The following ATP2A3 variants were observed in gnomAD, a reference collection of about 807,000 sequenced individuals.
The protein encoded by ATP2A3 is ATPase sarcoplasmic/endoplasmic reticulum Ca2+ transporting 3.
In ATP2A3, 61 loss-of-function variants were observed where a neutral mutation model predicts 106.8. The observed-to-expected ratio is 0.57, with a 90% CI of 0.46 to 0.71. The LOEUF is 0.71. ATP2A3 is among the 30% of genes least tolerant of loss of function. The pLI, the probability that ATP2A3 is intolerant of heterozygous loss-of-function variation, is 0.00. For synonymous variants in ATP2A3, 611 were observed against 609.3 expected (o/e 1.00, Z -0.04); for missense variants, 1,201 against 1,423.5 (o/e 0.84, Z 2.52).
intron 14 of ATP2A3, among the ~76,000 whole-genome samples, chr17:3,939,527 A>G (rs2053620127): frequency 6.6e-5 from 10 of 152,024 alleles, no homozygotes; most frequent in Admixed American, 6.6e-4. Flanking sequence ...GGTGGCTCAT[A>G]CTTGTAATCC....
At chr17:3,931,484 T>C (rs1567680228) in intron 17 of ATP2A3, among the ~76,000 whole-genome samples, 1 of 152,026 alleles carries the variant, frequency 6.6e-6, no homozygotes, top group Non-Finnish European at 1.5e-5. Flanking sequence ...ATATAGATCC[T>C]GCTCTTGGGA....
intron 1 of ATP2A3, among the ~76,000 whole-genome samples, chr17:3,954,001 C>A (rs978233925): frequency 1.3e-5 from 2 of 152,060 alleles, no homozygotes; most frequent in Admixed American, 6.5e-5. Context: ...CAGTCCAGCC[C>A]CTCCCTGCCC....
rs61731020 is a variant in ATP2A3, at chr17:3,941,196, C to T, written c.1875G>A (p.Thr625=). 2.9e-4 allele frequency: 461 copies of T among 1,614,152 alleles called. 1 individual carries two copies. Among genetic ancestry groups the T allele is most frequent in the Non-Finnish European group, 3.7e-4 (442 of 1,180,032 alleles). ...CCACGGCAGTGCCTTTGTTATCCCC[C>T]GTGATCATGACCACGCGGATGCCCG... ...YQAGIRVVMI[T]GDNKGTAVAI... The change falls in exon 14 of 21, where the codon ACG becomes ACA. Residue 625 remains threonine (T), a synonymous_variant. Transcript: ENST00000397041.
At position 3,930,225 on chromosome 17, in the gene ATP2A3, C is replaced by T. The variant is rs1037096903; in HGVS notation, c.2744+76G>A. ...CCAGCCCACCTGGACCCCTGACCCT[C>T]AGACACTGATACTGGAACCCCCAGC... is the stretch of plus-strand genomic sequence containing the variant. On this transcript the variant is annotated intron_variant, in intron 18 of 20. Transcript: ENST00000397041. This position sits in a 1 kb window ranked among gnomAD's most constrained non-coding sequence, Gnocchi z 5.4. The T allele has an allele frequency of 9.0e-6, 11 of 1,219,336 alleles. No individual in the cohort carries two copies. In the African/African-American group the frequency reaches 1.7e-4, roughly 19 times the overall value. The allele number at this position is 1,219,336 out of a possible 1,614,324, so 75.5% of individuals were successfully genotyped here.
In ATP2A3 at chr17:3,925,446, A is replaced by G. The variant is rs1417298626; in HGVS notation, c.2981-5T>C. 1 of 1,613,204 alleles carries G rather than the reference A, an allele frequency of 6.2e-7. No individual in the cohort carries two copies. The highest frequency in any genetic ancestry group is 1.3e-5 in the African/African-American group (1 of 74,840). ...CTCACTTCTGGCTCATTTCTTCTGGAAGAAAAACCCAAGAGCGCGTTAAGA... is the reference window on the plus strand; with the variant it reads ...CTCACTTCTGGCTCATTTCTTCTGGGAGAAAAACCCAAGAGCGCGTTAAGA... On this transcript the variant is annotated splice_polypyrimidine_tract_variant and splice_region_variant and intron_variant, in intron 20 of 20. Transcript: ENST00000397041. The surrounding 1 kb of genome is among the most constrained non-coding windows in gnomAD (Gnocchi z 4.2).
rs1282114378 is a variant in ATP2A3 at position 3,955,241 on chromosome 17, T to C, written c.119-1531A>G. Among the ~76,000 whole-genome samples, 6 of 152,190 alleles carry C rather than the reference T, an allele frequency of 3.9e-5. No homozygotes were observed. The highest frequency in any genetic ancestry group is 1.4e-4 in the African/African-American group (6 of 41,456). On this transcript the variant is annotated intron_variant, in intron 1 of 20. Coordinates refer to ENST00000397041, the MANE Select transcript of ATP2A3 (RefSeq NM_005173.4). The surrounding 1 kb of genome is among the most constrained non-coding windows in gnomAD (Gnocchi z 4.2). Reference sequence around the variant, plus strand: ...TGACACTGGAAACAGGTCCTTGCATTGGTCCACCTGTTTTTGGCCTACAGG... The same window carrying C: ...TGACACTGGAAACAGGTCCTTGCATCGGTCCACCTGTTTTTGGCCTACAGG...
rs761536391 is a variant in ATP2A3, at chr17:3,951,306, G to A, written c.408C>T (p.Gly136=). The A allele has an allele frequency of 1.9e-6, 3 of 1,613,794 alleles. No homozygotes were observed. The highest frequency in any genetic ancestry group is 1.3e-5 in the African/African-American group (1 of 74,946). ...TGTCCCGGGCACGGATCCTCTGCAC[G>A]CCCTTGCGGTCCGAGCGGATCACCT... ...MGKVIRSDRK[G]VQRIRARDIV... The change falls in exon 5 of 21, where the codon GGC becomes GGT. Residue 136 remains glycine (G), a synonymous_variant. Coordinates refer to ENST00000397041, the MANE Select transcript of ATP2A3 (RefSeq NM_005173.4).
Position 3,930,224 on chromosome 17 carries a change from T to A in ATP2A3, c.2744+77A>T. 1.2e-4 allele frequency: 135 copies of A among 1,098,596 alleles called. No homozygotes were observed. The highest frequency in any genetic ancestry group is 2.4e-4 in the Middle Eastern group (1 of 4,196). The allele number at this position is 1,098,596 out of a possible 1,614,324, so 68.1% of individuals were successfully genotyped here. A position where few individuals can be genotyped will look rare whatever the true frequency, so the allele number is the denominator to read the frequency against. On this transcript the variant is annotated intron_variant, in intron 18 of 20. Coordinates refer to ENST00000397041, the MANE Select transcript of ATP2A3 (RefSeq NM_005173.4). The surrounding 1 kb of genome is among the most constrained non-coding windows in gnomAD (Gnocchi z 5.4). The stretch of plus-strand genomic sequence containing the variant: ...CCCAGCCCACCTGGACCCCTGACCC[T>A]CAGACACTGATACTGGAACCCCCAG...
intron 14 of ATP2A3, 100 bp downstream of exon 14, chr17:3,940,871 G>A: frequency 2.2e-6 from 3 of 1,365,292 alleles, no homozygotes; most frequent in African/African-American, 1.4e-5. Context: ...TGTTAGAAAA[G>A]GTAAGAATGA....
At chr17:3,927,624 A>C in intron 20 of ATP2A3, 2 of 985,390 alleles carry the variant, frequency 2.0e-6, no homozygotes, top group Non-Finnish European at 2.4e-6. Flanking sequence ...GGCCAGAAAG[A>C]ACCAGACAGG....
intron 17 of ATP2A3, among the ~76,000 whole-genome samples, chr17:3,934,776 G>T (rs2053330257): frequency 1.3e-5 from 2 of 151,916 alleles, no homozygotes; most frequent in African/African-American, 4.8e-5. Context: ...ACCCACCTCG[G>T]CCTCCCAAAG....
chr17:3,940,588 A>G (rs1366680447), intron 14 of ATP2A3, among the ~76,000 whole-genome samples: 4 of 152,042 alleles, frequency 2.6e-5, no homozygotes, highest in African/African-American at 9.7e-5. Context: ...GCTCACTGCA[A>G]CCTCTGCCTC....
At position 3,929,632 on chromosome 17, in the gene ATP2A3, T is replaced by C. The variant is rs1018237613; in HGVS notation, c.2745-187A>G. ...TCAGACCTAATCTTGGCCGATTTCT[T>C]TGGACCCCAGTTTCAGCCTTCTTTG... On this transcript the variant is annotated intron_variant, in intron 18 of 20. Coordinates refer to ENST00000397041, the MANE Select transcript of ATP2A3 (RefSeq NM_005173.4). The surrounding 1 kb of genome is among the most constrained non-coding windows in gnomAD (Gnocchi z 4.3). Among the ~76,000 whole-genome samples the C allele has an allele frequency of 6.6e-6, 1 of 152,168 alleles. No individual in the cohort carries two copies. Among genetic ancestry groups the C allele is most frequent in the African/African-American group, 2.4e-5 (1 of 41,424 alleles).
chr17:3,946,590 C>T (rs2054131792), intron 8 of ATP2A3, among the ~76,000 whole-genome samples: 1 of 152,138 alleles, frequency 6.6e-6, no homozygotes, highest in South Asian at 2.1e-4. Flanking sequence ...TCAAGAAACA[C>T]TCTGTTTAAA....
intron 20 of ATP2A3, chr17:3,927,532 G>A: frequency 2.0e-6 from 2 of 985,420 alleles, no homozygotes; most frequent in Non-Finnish European, 2.4e-6. Flanking sequence ...GGACCGGCCC[G>A]GTGCTCCGGC....
intron 15 of ATP2A3, chr17:3,937,080 G>T: frequency 2.5e-6 from 1 of 403,302 alleles, no homozygotes; most frequent in Middle Eastern, 8.0e-4. Context: ...ATACACATTC[G>T]CACACGGACA....
chr17:3,964,201 CG>C lies in ATP2A3; in HGVS notation c.90del (p.Gly31AlafsTer66). On this transcript the variant is annotated frameshift_variant, in exon 1 of 21. Transcript: ENST00000397041. LOFTEE classifies it high-confidence loss of function. ...AEGGLSPAQV[T>X]GARERYGPNE... ...TTGGGGCCGTAGCGCTCCCGCGCGC[CG>C]GTCACCTGCGCCGGGCTCAGGCCGC... The C allele has an allele frequency of 8.0e-7, 1 of 1,251,184 alleles. No homozygotes were observed. The highest frequency in any genetic ancestry group is 1.0e-6 in the Non-Finnish European group (1 of 987,160). 77.5% of individuals were successfully genotyped at this position (1,251,184 alleles called of 1,614,324 possible).
intron 5 of ATP2A3, 77 bp downstream of exon 5, chr17:3,951,174 A>AAAAATAAATAAATAAATAAAT: frequency 8.6e-7 from 1 of 1,157,370 alleles, no homozygotes; most frequent in Non-Finnish European, 1.1e-6. Context: ...CTCCATCTCA[A>AAAAATAAATAAATAAATAAAT]AAAATAAATA....
chr17:3,956,170 C>T (rs543479464), intron 1 of ATP2A3, among the ~76,000 whole-genome samples: 1 of 152,272 alleles, frequency 6.6e-6, no homozygotes, highest in South Asian at 2.1e-4. Context: ...GTGTGAGCCA[C>T]CGCGCCCGGC....
Sources: allele counts gnomAD v4.1 joint callset (sites outside exome capture counted in the v4.1 genomes callset), GRCh38; gene constraint gnomAD v4.1.1; non-coding constraint Gnocchi (gnomAD v3.1); transcripts MANE v1.5; gene names NCBI Gene and HGNC (gene_info 2026-07-23, HGNC 2026-07-21).